The following VPS26A variants were observed in gnomAD, a reference collection of about 807,000 sequenced individuals.
The protein encoded by VPS26A is VPS26 retromer complex component A, also known as vacuolar protein sorting-associated protein 26A.
A neutral mutation model predicts 42.4 loss-of-function variants in VPS26A; 22 were observed. The observed-to-expected ratio is 0.52, with a 90% CI of 0.37 to 0.74. VPS26A has a LOEUF of 0.74. VPS26A is among the 30% of genes least tolerant of loss of function. The pLI, the probability that VPS26A is intolerant of heterozygous loss-of-function variation, is 0.00. For synonymous variants in VPS26A, 110 were observed against 123.5 expected, an observed-to-expected ratio of 0.89 and a Z score of 0.73; for missense variants, 276 against 379.2, an observed-to-expected ratio of 0.73 and a Z score of 2.26.
chr10:69,137,062 T>C (rs1488795357), intron 2 of VPS26A, among the ~76,000 whole-genome samples: 2 of 152,216 alleles, frequency 1.3e-5, no homozygotes, highest in African/African-American at 4.8e-5. Flanking sequence ...AGTGCTGGGA[T>C]TACAGGCGTG....
chr10:69,129,870 C>T (rs986867488), intron 1 of VPS26A, among the ~76,000 whole-genome samples: 4 of 152,164 alleles, frequency 2.6e-5, no homozygotes, highest in African/African-American at 7.2e-5. Context: ...TCTGGTAATT[C>T]TTTTAGTTGG....
At chr10:69,157,884 A>G (rs1366773395) in intron 4 of VPS26A, among the ~76,000 whole-genome samples, 163 bp from the exon 5 acceptor site, 1 of 152,174 alleles carries the variant, frequency 6.6e-6, no homozygotes, top group Non-Finnish European at 1.5e-5. Flanking sequence ...TGTTGGGGGC[A>G]TTAAAGAAAA....
At chr10:69,127,239 C>T (rs901353293) in intron 1 of VPS26A, among the ~76,000 whole-genome samples, 1 of 150,364 alleles carries the variant, frequency 6.7e-6, no homozygotes, top group Non-Finnish European at 1.5e-5. Flanking sequence ...AGCCACTGTG[C>T]CTGGCTGACT....
rs869048277 is a variant in VPS26A, at chr10:69,149,734, G to GTTTTTTTTTTTTT, written c.154-6060_154-6048dup. On this transcript the variant is annotated intron_variant, in intron 2 of 8. Transcript: ENST00000263559. The stretch of plus-strand genomic sequence containing the variant: ...AATGTTAACTTTCTTGGTGTTTTTT[G>GTTTTTTTTTTTTT]TTTTTTTTTTTTTTTTTTTTTTTTT... Among the ~76,000 whole-genome samples the GTTTTTTTTTTTTT allele has an allele frequency of 1.0e-3, 22 of 21,400 alleles. 1 individual carries two copies. The highest frequency in any genetic ancestry group is 1.8e-3 in the African/African-American group (20 of 10,994). The allele number at this position is 21,400 out of a possible 152,430, so 14.0% of individuals were successfully genotyped here.
At chr10:69,151,282 A>AAAAAAAAAACAAAAACACAC (rs71035063) in intron 2 of VPS26A, among the ~76,000 whole-genome samples, 1 of 136,776 alleles carries the variant, frequency 7.3e-6, no homozygotes, top group African/African-American at 3.3e-5. Context: ...AAAAAAAAAA[A>AAAAAAAAAACAAAAACACAC]ACACACACAC....
intron 2 of VPS26A, among the ~76,000 whole-genome samples, chr10:69,153,591 C>G (rs1386522015): frequency 6.6e-6 from 1 of 150,684 alleles, no homozygotes; most frequent in Non-Finnish European, 1.5e-5. Flanking sequence ...CTTAATTAAG[C>G]AGCCTTCCTG....
At chr10:69,147,160 G>A (rs10823305) in intron 2 of VPS26A, among the ~76,000 whole-genome samples, 105,351 of 152,044 alleles carry the variant, frequency 0.69, 38,837 homozygotes, top group Middle Eastern at 0.84. Flanking sequence ...CAGTTCCCCA[G>A]TGAGTAATAA....
At chr10:69,169,958 A>G (rs1841781347) in intron 8 of VPS26A, 1 of 152,198 alleles carries the variant, frequency 6.6e-6, no homozygotes, top group Non-Finnish European at 1.5e-5. Flanking sequence ...ACTTGTTCTC[A>G]TTTGAAAATC....
chr10:69,166,033 T>C lies in VPS26A; in HGVS notation c.659-9T>C. The stretch of plus-strand genomic sequence containing the variant: ...ATTTAAATTAATGTTATTTACATTA[T>C]TGCACTAGGACCCAGTACCACAACA... On this transcript the variant is annotated splice_polypyrimidine_tract_variant and intron_variant, in intron 6 of 8. Transcript: ENST00000263559. The C allele has an allele frequency of 6.2e-7, 1 of 1,609,362 alleles. No homozygotes were observed. Among genetic ancestry groups the C allele is most frequent in the South Asian group, 1.1e-5 (1 of 90,660 alleles).
chr10:69,173,220 T>A lies in VPS26A; in HGVS notation c.*1951T>A, dbSNP rs1475494267. Reference sequence around the variant, plus strand: ...TTTAATGAAGAGTTACAATGTCTAATCCATTGGTTCTCAACCCTGGCTGCA... The same window carrying A: ...TTTAATGAAGAGTTACAATGTCTAAACCATTGGTTCTCAACCCTGGCTGCA... On this transcript the variant is annotated 3_prime_UTR_variant, in exon 9 of 9. Transcript: ENST00000263559. 6.6e-6 allele frequency among the ~76,000 whole-genome samples: 1 copy of A among 152,194 alleles called. No homozygotes were observed. The highest frequency in any genetic ancestry group is 1.5e-5 in the Non-Finnish European group (1 of 68,024).
At chr10:69,161,160 A>G (rs954707774) in intron 5 of VPS26A, among the ~76,000 whole-genome samples, 1 of 152,150 alleles carries the variant, frequency 6.6e-6, no homozygotes, top group Non-Finnish European at 1.5e-5. Flanking sequence ...CCCAGGCTCA[A>G]ATTATCATCT....
chr10:69,134,769 C>T (rs1477769830), intron 2 of VPS26A, among the ~76,000 whole-genome samples: 1 of 151,666 alleles, frequency 6.6e-6, no homozygotes. Flanking sequence ...TTCAACTTTA[C>T]TTCCCTTTTA....
At chr10:69,126,715 G>T (rs948071033) in intron 1 of VPS26A, among the ~76,000 whole-genome samples, 3 of 152,036 alleles carry the variant, frequency 2.0e-5, no homozygotes, top group African/African-American at 7.3e-5. Flanking sequence ...AGAAGTATTA[G>T]AATTTTATTT....
At chr10:69,143,873 T>A (rs776463287) in intron 2 of VPS26A, among the ~76,000 whole-genome samples, 35 of 152,100 alleles carry the variant, frequency 2.3e-4, no homozygotes, top group Non-Finnish European at 4.3e-4. Context: ...CACACCACCA[T>A]GCTCAGCTAA....
intron 7 of VPS26A, 45 bp downstream of exon 7, chr10:69,166,155 G>C (rs746431624): frequency 1.3e-6 from 2 of 1,540,654 alleles, no homozygotes; most frequent in African/African-American, 2.7e-5. Context: ...GCAAACATCA[G>C]TGTTCATGGC....
At position 69,149,727 on chromosome 10, in the gene VPS26A, GTTTTTTGT is replaced by G. The variant is rs1462899084; in HGVS notation, c.154-6078_154-6071del. 1.3e-3 allele frequency among the ~76,000 whole-genome samples: 118 copies of G among 93,940 alleles called. 3 individuals carry two copies. The highest frequency in any genetic ancestry group is 3.8e-3 in the African/African-American group (79 of 20,574). The allele number at this position is 93,940 out of a possible 152,430, so 61.6% of individuals were successfully genotyped here. A position where few individuals can be genotyped will look rare whatever the true frequency, so the allele number is the denominator to read the frequency against. On this transcript the variant is annotated intron_variant, in intron 2 of 8. Coordinates refer to ENST00000263559, the MANE Select transcript of VPS26A (RefSeq NM_004896.5). Reference sequence around the variant, plus strand: ...ACCATGGAATGTTAACTTTCTTGGTGTTTTTTGTTTTTTTTTTTTTTTTTTTTTTTTTT... The same window carrying G: ...ACCATGGAATGTTAACTTTCTTGGTGTTTTTTTTTTTTTTTTTTTTTTTTT...
In VPS26A at chr10:69,172,955, T is replaced by G. The variant is rs764413305; in HGVS notation, c.*1686T>G. Reference sequence around the variant, plus strand: ...TCGAGGATAGGATTGTTCAATAGTTTAGGAAGCTGTAACTGTGATAATGAA... The same window carrying G: ...TCGAGGATAGGATTGTTCAATAGTTGAGGAAGCTGTAACTGTGATAATGAA... On this transcript the variant is annotated 3_prime_UTR_variant, in exon 9 of 9. Transcript: ENST00000263559. 6.6e-6 allele frequency: 1 copy of G among 152,220 alleles called. No homozygotes were observed. Among genetic ancestry groups the G allele is most frequent in the Non-Finnish European group, 1.5e-5 (1 of 68,030 alleles). The allele number at this position is 152,220 out of a possible 1,614,324, so 9.4% of individuals were successfully genotyped here.
intron 3 of VPS26A, among the ~76,000 whole-genome samples, chr10:69,156,616 G>A (rs1020907063): frequency 6.6e-6 from 1 of 152,110 alleles, no homozygotes; most frequent in Non-Finnish European, 1.5e-5. Flanking sequence ...GTAATTGATA[G>A]TTGGTTTTAG....
At chr10:69,143,641 T>G (rs1182481842) in intron 2 of VPS26A, among the ~76,000 whole-genome samples, 1 of 152,244 alleles carries the variant, frequency 6.6e-6, no homozygotes, top group Non-Finnish European at 1.5e-5. Flanking sequence ...CTAAATATGC[T>G]ATTTCCTTTA....
Sources: gnomAD v4.1 joint callset for allele counts (sites outside exome capture counted in the v4.1 genomes callset) on GRCh38, gnomAD v4.1.1 for gene constraint, MANE v1.5 for transcripts, NCBI Gene and HGNC (gene_info 2026-07-23, HGNC 2026-07-21) for gene names.